The following DLGAP1 variants were observed in gnomAD, a reference collection of about 807,000 sequenced individuals.
DLGAP1 encodes disks large-associated protein 1.
DLGAP1 carries 11 observed loss-of-function variants against 90.8 expected under a neutral mutation model. The ratio of observed to expected loss-of-function variants is 0.12; its 90% CI spans 0.08 to 0.20. The LOEUF (loss-of-function observed/expected upper bound fraction) is 0.20, where lower values mean the gene tolerates loss of function less well. DLGAP1 is among the 10% of genes least tolerant of loss of function. DLGAP1 has a pLI of 1.00. For missense variants in DLGAP1, 1,050 were observed against 1,333.8 expected (o/e 0.79, Z 3.31); for synonymous variants, 558 against 540.7 (o/e 1.03, Z -0.44).
intron 3 of DLGAP1, among the ~76,000 whole-genome samples, chr18:3,941,613 A>G (rs1396070027): frequency 6.6e-6 from 1 of 152,260 alleles, no homozygotes; most frequent in African/African-American, 2.4e-5. Flanking sequence ...TTCTTTATCC[A>G]AGATAACAGT....
intron 3 of DLGAP1, among the ~76,000 whole-genome samples, chr18:3,982,333 C>T (rs2073749460): frequency 6.6e-6 from 1 of 152,214 alleles, no homozygotes; most frequent in African/African-American, 2.4e-5. Flanking sequence ...CTTCGGCACA[C>T]TTATACATGG....
chr18:4,035,978 CA>C (rs1555728379), intron 2 of DLGAP1, among the ~76,000 whole-genome samples: 2 of 151,944 alleles, frequency 1.3e-5, no homozygotes, highest in Non-Finnish European at 2.9e-5. Flanking sequence ...ACTAAGTGTC[CA>C]AGAGGACACT....
intron 3 of DLGAP1, among the ~76,000 whole-genome samples, chr18:3,933,525 T>C (rs2072565058): frequency 6.6e-6 from 1 of 152,268 alleles, no homozygotes; most frequent in African/African-American, 2.4e-5. Flanking sequence ...GAAAGGACTC[T>C]TGTCTCTTCT....
At chr18:4,426,918 A>G (rs985933969) in intron 1 of DLGAP1, among the ~76,000 whole-genome samples, 3 of 135,642 alleles carry the variant, frequency 2.2e-5, no homozygotes, top group African/African-American at 7.7e-5. Flanking sequence ...AATAATAAAC[A>G]TATGAAGTGA....
In DLGAP1 at chr18:3,729,573, T is replaced by G. The variant is rs182370975; in HGVS notation, c.1351-198A>C. Among the ~76,000 whole-genome samples the G allele has an allele frequency of 6.9e-3, 1,046 of 152,166 alleles. 6 individuals are homozygous for G. The highest frequency in any genetic ancestry group is 0.011 in the Non-Finnish European group (725 of 68,022). On this transcript the variant is annotated intron_variant, in intron 6 of 12. Coordinates refer to ENST00000315677, the MANE Select transcript of DLGAP1 (RefSeq NM_004746.4). This position sits in a 1 kb window ranked among gnomAD's most constrained non-coding sequence, Gnocchi z 6.2. ...TAATTCCAAACAATAGATTACTTTT[T>G]TTTTCTTGTATTTTTAGTAGAGACA...
chr18:3,789,055 T>C (rs2065596650), intron 5 of DLGAP1, among the ~76,000 whole-genome samples: 1 of 152,240 alleles, frequency 6.6e-6, no homozygotes, highest in Admixed American at 6.5e-5. Context: ...TGCCAGCACC[T>C]ACAGTGCTAG....
intron 1 of DLGAP1, among the ~76,000 whole-genome samples, chr18:4,228,677 G>A (rs1044675263): frequency 2.0e-5 from 3 of 151,902 alleles, no homozygotes; most frequent in Admixed American, 6.6e-5. Context: ...GGTATAGAAG[G>A]AAAACACCAG....
chr18:3,668,123 C>T (rs966536734), intron 7 of DLGAP1, among the ~76,000 whole-genome samples: 1 of 152,074 alleles, frequency 6.6e-6, no homozygotes, highest in Admixed American at 6.6e-5. Context: ...CCTTAAGTGC[C>T]CTTCTCCTCC....
intron 1 of DLGAP1, among the ~76,000 whole-genome samples, chr18:4,197,188 T>TAAAAAAAAAAA (rs532844849): frequency 0.025 from 1,792 of 71,632 alleles, 1 homozygote; most frequent in Non-Finnish European, 0.031. Flanking sequence ...TAAAAAAAAG[T>TAAAAAAAAAAA]AAAAAAAAAA....
rs572208582 is a variant in DLGAP1, at chr18:3,624,275, G to C, written c.1592-42027C>G. 1.2e-3 allele frequency among the ~76,000 whole-genome samples: 177 copies of C among 152,318 alleles called. 1 individual carries two copies. The highest frequency in any genetic ancestry group is 3.6e-3 in the African/African-American group (151 of 41,566). On this transcript the variant is annotated intron_variant, in intron 7 of 12. Transcript: ENST00000315677. Reference sequence around the variant, plus strand: ...TGCGCATAGGTCTGACACTGCTGCTGGGCGAGCCTGCGTGCCCCTGCCCCG... The same window carrying C: ...TGCGCATAGGTCTGACACTGCTGCTCGGCGAGCCTGCGTGCCCCTGCCCCG...
chr18:4,134,334 G>A (rs965755910), intron 2 of DLGAP1, among the ~76,000 whole-genome samples: 18 of 152,012 alleles, frequency 1.2e-4, no homozygotes, highest in Admixed American at 8.5e-4. Context: ...TCCCTGGGGC[G>A]GGAGGTTGGG....
chr18:4,251,723 C>G (rs114275211), intron 1 of DLGAP1, among the ~76,000 whole-genome samples: 1,723 of 152,256 alleles, frequency 0.011, 39 homozygotes, highest in African/African-American at 0.038. Context: ...GGGGGTGGTT[C>G]CTGACTCCCA....
At chr18:3,771,648 C>G (rs8083606) in intron 5 of DLGAP1, among the ~76,000 whole-genome samples, 1 of 152,250 alleles carries the variant, frequency 6.6e-6, no homozygotes, top group Non-Finnish European at 1.5e-5. Context: ...CAAGTTTTTC[C>G]ATGTTTGACG....
chr18:3,516,433 G>A (rs969081638), intron 10 of DLGAP1, among the ~76,000 whole-genome samples: 5 of 152,078 alleles, frequency 3.3e-5, no homozygotes, highest in African/African-American at 1.2e-4. Context: ...CTTTGCCCAG[G>A]TCCATCAGAG....
intron 2 of DLGAP1, among the ~76,000 whole-genome samples, chr18:4,111,292 G>A (rs1259471352): frequency 6.6e-6 from 1 of 152,028 alleles, no homozygotes; most frequent in Non-Finnish European, 1.5e-5. Context: ...CTTTTTCTAT[G>A]TTGCTTGATT....
chr18:3,880,093 G>T lies in DLGAP1; in HGVS notation c.-25C>A. 1.3e-6 allele frequency: 2 copies of T among 1,592,566 alleles called. No individual in the cohort carries two copies. The highest frequency in any genetic ancestry group is 8.5e-7 in the Non-Finnish European group (1 of 1,175,814). The stretch of plus-strand genomic sequence containing the variant: ...TGGCGGACCGGAAGCAGCCGCCAGG[G>T]TCATGGACACCCGGAAGTCAGGCTC... On this transcript the variant is annotated 5_prime_UTR_variant, in exon 4 of 13. Coordinates refer to ENST00000315677, the MANE Select transcript of DLGAP1 (RefSeq NM_004746.4).
intron 1 of DLGAP1, among the ~76,000 whole-genome samples, chr18:4,292,184 C>T (rs1190634437): frequency 6.6e-6 from 1 of 152,038 alleles, no homozygotes; most frequent in African/African-American, 2.4e-5. Context: ...TGGAATTGCC[C>T]TAATTAGGCA....
intron 7 of DLGAP1, among the ~76,000 whole-genome samples, chr18:3,645,260 T>A (rs1400431545): frequency 1.3e-5 from 2 of 152,110 alleles, no homozygotes; most frequent in Non-Finnish European, 2.9e-5. Flanking sequence ...ACCTGGCTAA[T>A]TTTTGTATTT....
At chr18:4,200,131 T>C (rs1390659219) in intron 1 of DLGAP1, among the ~76,000 whole-genome samples, 1 of 152,176 alleles carries the variant, frequency 6.6e-6, no homozygotes, top group East Asian at 1.9e-4. Context: ...TCAGTATTCG[T>C]ATGTTTGTAT....
Sources: gnomAD v4.1 joint callset for allele counts (sites outside exome capture counted in the v4.1 genomes callset) on GRCh38, gnomAD v4.1.1 for gene constraint, Gnocchi (gnomAD v3.1) non-coding constraint, MANE v1.5 for transcripts, NCBI Gene and HGNC (gene_info 2026-07-23, HGNC 2026-07-21) for gene names.